HDAC4: variants seen among roughly 807,000 people sequenced by gnomAD.
HDAC4 encodes the protein histone deacetylase A.
In HDAC4, 16 loss-of-function variants were observed where a neutral mutation model predicts 135.1. The ratio of observed to expected loss-of-function variants is 0.12; its 90% CI spans 0.08 to 0.18. The LOEUF is 0.18. HDAC4 is among the 10% of genes least tolerant of loss of function. HDAC4 has a pLI of 1.00. For missense variants in HDAC4, 1,143 were observed against 1,511.8 expected (o/e 0.76, Z 4.05); for synonymous variants, 685 against 653.4 (o/e 1.05, Z -0.74).
chr2:239,196,941 C>T (rs920816850), intron 3 of HDAC4, among the ~76,000 whole-genome samples: 19 of 152,168 alleles, frequency 1.2e-4, no homozygotes, highest in African/African-American at 3.9e-4. Context: ...ACGCTGCCTC[C>T]GAAGCTGTGC....
intron 4 of HDAC4, among the ~76,000 whole-genome samples, 186 bp from the exon 5 acceptor site, chr2:239,176,749 G>A (rs1345272433): frequency 6.6e-6 from 1 of 152,184 alleles, no homozygotes; most frequent in Non-Finnish European, 1.5e-5. Flanking sequence ...TCCGGGCTCT[G>A]GGCATTGTCT....
intron 2 of HDAC4, among the ~76,000 whole-genome samples, chr2:239,281,909 C>T (rs1182857093): frequency 2.0e-5 from 3 of 147,448 alleles, no homozygotes; most frequent in Non-Finnish European, 4.5e-5. Context: ...ACAATGAACA[C>T]ACCACACTAC....
chr2:239,112,508 G>A (rs80110807), intron 13 of HDAC4, among the ~76,000 whole-genome samples: 5,022 of 152,322 alleles, frequency 0.033, 261 homozygotes, highest in African/African-American at 0.11. Flanking sequence ...GCCTGCTGGT[G>A]GGGATGTGCC....
At chr2:239,316,969 A>G (rs2053137481) in intron 2 of HDAC4, among the ~76,000 whole-genome samples, 1 of 152,218 alleles carries the variant, frequency 6.6e-6, no homozygotes, top group African/African-American at 2.4e-5. Flanking sequence ...AAATACAAAC[A>G]GAAACAAATA....
intron 2 of HDAC4, among the ~76,000 whole-genome samples, chr2:239,351,442 G>C (rs1428242630): frequency 6.6e-6 from 1 of 152,172 alleles, no homozygotes; most frequent in Non-Finnish European, 1.5e-5. Flanking sequence ...TTTAGACACA[G>C]AAAAAAGATA....
rs1287059810 is a variant in HDAC4, at chr2:239,240,431, T to C, written c.23-3767A>G. On this transcript the variant is annotated intron_variant, in intron 2 of 26. Coordinates refer to ENST00000543185, the MANE Select transcript of HDAC4 (RefSeq NM_001378414.1). The surrounding 1 kb of genome is among the most constrained non-coding windows in gnomAD (Gnocchi z 4.5). ...AGTGATGAGAGGTGGAATTTCCATATTTATCTGCCTCTGGGCTGAAATTTC... is the reference window on the plus strand; with the variant it reads ...AGTGATGAGAGGTGGAATTTCCATACTTATCTGCCTCTGGGCTGAAATTTC... 2.0e-5 allele frequency among the ~76,000 whole-genome samples: 3 copies of C among 152,218 alleles called. No homozygotes were observed. The highest frequency in any genetic ancestry group is 1.9e-4 in the East Asian group (1 of 5,202).
At chr2:239,121,782 A>G (rs1486736474) in intron 12 of HDAC4, among the ~76,000 whole-genome samples, 1 of 152,196 alleles carries the variant, frequency 6.6e-6, no homozygotes, top group Non-Finnish European at 1.5e-5. Context: ...TTGCCTTGGC[A>G]CTGACGCAGG....
intron 2 of HDAC4, among the ~76,000 whole-genome samples, chr2:239,275,139 C>T (rs772777350): frequency 6.6e-5 from 10 of 150,918 alleles, no homozygotes; most frequent in Non-Finnish European, 1.2e-4. Context: ...TGACGGGGAT[C>T]GGGGGAAGAA....
In HDAC4 at chr2:239,092,119, G is replaced by A. The variant is rs145941283; in HGVS notation, c.2281-2003C>T. ...CCAGATGTGGTGGCCTGGGCCTGTA[G>A]TCCCCACAACTCAGGACGCTGAGGC... is the stretch of plus-strand genomic sequence containing the variant. On this transcript the variant is annotated intron_variant, in intron 17 of 26. Transcript: ENST00000543185. Among the ~76,000 whole-genome samples the A allele has an allele frequency of 5.3e-5, 8 of 152,158 alleles. No homozygotes were observed. The East Asian group carries it at 1.6e-3, about 30-fold the overall frequency.
At chr2:239,169,408 C>A (rs941358706) in intron 5 of HDAC4, among the ~76,000 whole-genome samples, 2 of 152,270 alleles carry the variant, frequency 1.3e-5, no homozygotes, top group Non-Finnish European at 2.9e-5. Context: ...CAAGTCAAAG[C>A]CCCGCGCACA....
At position 239,126,463 on chromosome 2, in the gene HDAC4, A is replaced by C; in HGVS notation, c.1526T>G (p.Met509Arg). The change falls in exon 12 of 27, where the codon ATG becomes AGG. Residue 509 changes from methionine (M) to arginine (R), a missense_variant. Around this residue, in one of 9 missense-constraint regions of HDAC4, gnomAD observed 196 missense variants for 210.7 expected, o/e 0.93. Transcript: ENST00000543185. ...KQQFQQQQLQ[M>R]NKIIPKPSEP... Reference sequence around the variant, plus strand: ...CTGAGCCGGCAAACCCACCTTGTTCATCTGCAGTTGCTGCTGCTGGAACTG... The same window carrying C: ...CTGAGCCGGCAAACCCACCTTGTTCCTCTGCAGTTGCTGCTGCTGGAACTG... 6.2e-7 allele frequency: 1 copy of C among 1,613,860 alleles called. No individual in the cohort carries two copies. The highest frequency in any genetic ancestry group is 8.5e-7 in the Non-Finnish European group (1 of 1,179,986).
Position 239,115,734 on chromosome 2 carries a change from C to T in HDAC4, c.1534-424G>A, listed in dbSNP as rs553239172. On this transcript the variant is annotated intron_variant, in intron 12 of 26. Coordinates refer to ENST00000543185, the MANE Select transcript of HDAC4 (RefSeq NM_001378414.1). The surrounding 1 kb of genome is among the most constrained non-coding windows in gnomAD (Gnocchi z 6.3). The stretch of plus-strand genomic sequence containing the variant: ...GAGAAACAGCCCACCACCCACTCAG[C>T]GGAAGACAACCACGTCCACAATGCT... Among the ~76,000 whole-genome samples the T allele has an allele frequency of 2.0e-3, 311 of 152,288 alleles. 4 individuals carry two copies. Among genetic ancestry groups the T allele is most frequent in the African/African-American group, 7.1e-3 (297 of 41,566 alleles).
chr2:239,332,009 G>C (rs996829650), intron 2 of HDAC4, among the ~76,000 whole-genome samples: 1 of 152,162 alleles, frequency 6.6e-6, no homozygotes, highest in Non-Finnish European at 1.5e-5. Flanking sequence ...ACATTTCACA[G>C]TAACAAAAAG....
chr2:239,223,646 C>T (rs2047086014), intron 3 of HDAC4, among the ~76,000 whole-genome samples: 1 of 152,086 alleles, frequency 6.6e-6, no homozygotes, highest in African/African-American at 2.4e-5. Flanking sequence ...GTAAGGGGAC[C>T]TGTGGCCATC....
intron 1 of HDAC4, among the ~76,000 whole-genome samples, chr2:239,373,892 A>C (rs1694809825): frequency 6.6e-6 from 1 of 152,196 alleles, no homozygotes; most frequent in South Asian, 2.1e-4. Context: ...TTGTCTTTGG[A>C]GATTTCTCTT....
intron 2 of HDAC4, among the ~76,000 whole-genome samples, chr2:239,264,993 T>G (rs1045717740): frequency 6.6e-6 from 1 of 152,128 alleles, no homozygotes; most frequent in Non-Finnish European, 1.5e-5. Context: ...CCCCTCCCCC[T>G]GCAGAGCAGG....
chr2:239,133,829 C>T (rs772486782), intron 11 of HDAC4, among the ~76,000 whole-genome samples: 1 of 152,174 alleles, frequency 6.6e-6, no homozygotes, highest in Non-Finnish European at 1.5e-5. Flanking sequence ...TTCATAAGGA[C>T]GTTCCCATTT....
chr2:239,147,933 T>C (rs1043661089), intron 7 of HDAC4, among the ~76,000 whole-genome samples: 1 of 152,220 alleles, frequency 6.6e-6, no homozygotes, highest in Non-Finnish European at 1.5e-5. Context: ...TTAAACATCC[T>C]GAGAGTCAGC....
intron 2 of HDAC4, among the ~76,000 whole-genome samples, chr2:239,298,986 A>C (rs953258137): frequency 2.7e-5 from 4 of 146,518 alleles, no homozygotes; most frequent in African/African-American, 5.1e-5. Context: ...CTCCTGCCTC[A>C]GCCTCCCGAG....
Sources: allele counts gnomAD v4.1 joint callset (sites outside exome capture counted in the v4.1 genomes callset), GRCh38; gene constraint gnomAD v4.1.1; regional missense constraint gnomAD v4.1.1; non-coding constraint Gnocchi (gnomAD v3.1); transcripts MANE v1.5; gene names NCBI Gene and HGNC (gene_info 2026-07-23, HGNC 2026-07-21).